DCTN1: variants seen among roughly 807,000 people sequenced by gnomAD.
DCTN1 encodes the protein dynactin subunit 1.
A neutral mutation model predicts 161.2 loss-of-function variants in DCTN1; 61 were observed. The observed-to-expected ratio is 0.38, with a 90% CI of 0.31 to 0.47. The LOEUF is 0.47. Among genes scored for constraint, DCTN1 ranks in the 20% least tolerant of loss-of-function variants. DCTN1 has a pLI of 0.99. For synonymous variants in DCTN1, 653 were observed against 632.4 expected (o/e 1.03, Z -0.49); for missense variants, 1,404 against 1,623.7 (o/e 0.86, Z 2.33).
In DCTN1 at chr2:74,370,914, T is replaced by C. The variant is rs1478370267; in HGVS notation, c.843+65A>G. ...TATGTTCCAGGCTCCAGCTCCAGTC[T>C]AGTTTCCAGCATGCTTCCTTAGGTC... On this transcript the variant is annotated intron_variant, in intron 9 of 31. Transcript: ENST00000628224. The surrounding 1 kb of genome is among the most constrained non-coding windows in gnomAD (Gnocchi z 4.4). 25 of 1,613,284 alleles carry C rather than the reference T, an allele frequency of 1.5e-5. No homozygotes were observed. The highest frequency in any genetic ancestry group is 3.3e-5 in the Admixed American group (2 of 59,986).
In DCTN1 at chr2:74,365,924, A is replaced by G. The variant is rs1573149994; in HGVS notation, c.2855T>C (p.Ile952Thr). 6.2e-7 allele frequency: 1 copy of G among 1,614,202 alleles called. No homozygotes were observed. The highest frequency in any genetic ancestry group is 1.6e-4 in the Middle Eastern group (1 of 6,062). ...CTTGAGTGACTTCTTCAACTCCTTA[A>G]TAACTGTCTCTCGATCTTCGAGCTT... ...GLKLEDRETV[I>T]KELKKSLKIK... is the part of the protein sequence containing the mutation. Residue 952 changes from isoleucine (I) to threonine (T), a missense_variant, in exon 24 of 32, where the codon ATT (isoleucine) becomes ACT (threonine). Coordinates refer to ENST00000628224, the MANE Select transcript of DCTN1 (RefSeq NM_004082.5).
chr2:74,363,257 C>T (rs1218223279), intron 28 of DCTN1, 37 bp downstream of exon 28: 1 of 1,613,928 alleles, frequency 6.2e-7, no homozygotes, highest in African/African-American at 1.3e-5. Context: ...CAAATATGCT[C>T]CATCTCCCAT....
At position 74,363,685 on chromosome 2, in the gene DCTN1, T is replaced by C. The variant is rs185991687; in HGVS notation, c.3197-57A>G. The C allele has an allele frequency of 2.3e-4, 363 of 1,609,436 alleles. 1 individual carries two copies. In the Middle Eastern group the frequency reaches 5.4e-3, roughly 24 times the overall value. ...AAAAGAGGAGAGAGGAGTTAGGTGA[T>C]TTGGGGGTTACGGGGACACACCAGA... On this transcript the variant is annotated intron_variant, in intron 26 of 31. Coordinates refer to ENST00000628224, the MANE Select transcript of DCTN1 (RefSeq NM_004082.5).
Position 74,369,012 on chromosome 2 carries a change from C to T in DCTN1, c.1701+86G>A. 1 of 1,560,818 alleles carries T rather than the reference C, an allele frequency of 6.4e-7. No homozygotes were observed. The highest frequency in any genetic ancestry group is 1.1e-5 in the South Asian group (1 of 89,946). Reference sequence around the variant, plus strand: ...GAGTCTTCCAAACCACCACACAAAGCACCCCTTCCCCCAGGAATCTGAAGC... The same window carrying T: ...GAGTCTTCCAAACCACCACACAAAGTACCCCTTCCCCCAGGAATCTGAAGC... On this transcript the variant is annotated intron_variant, in intron 15 of 31. Transcript: ENST00000628224. The surrounding 1 kb of genome is among the most constrained non-coding windows in gnomAD (Gnocchi z 4.9).
intron 6 of DCTN1, chr2:74,374,070 C>T: frequency 3.6e-6 from 2 of 548,444 alleles, no homozygotes; most frequent in Non-Finnish European, 6.9e-6. Flanking sequence ...CTGCCTGAAG[C>T]CCAAGCCTGT....
chr2:74,373,807 A>G (rs1030202822), intron 6 of DCTN1, among the ~76,000 whole-genome samples: 2 of 152,214 alleles, frequency 1.3e-5, no homozygotes, highest in African/African-American at 4.8e-5. Context: ...ACTGAGGCCA[A>G]TTCCCACCTC....
chr2:74,367,377 G>C lies in DCTN1; in HGVS notation c.2228C>G (p.Thr743Ser), dbSNP rs1674498282. 1.2e-6 allele frequency: 2 copies of C among 1,614,150 alleles called. No individual in the cohort carries two copies. The highest frequency in any genetic ancestry group is 8.5e-7 in the Non-Finnish European group (1 of 1,180,020). ...IHLAEQPEDCTMQLADHIKFT... is the reference protein window; with the variant it reads ...IHLAEQPEDCSMQLADHIKFT... ...CTTAATGTGGTCAGCCAGCTGCATA[G>C]TACAGTCCTCAGGCTGTTCGGCAAG... is the stretch of plus-strand genomic sequence containing the variant. The change falls in exon 19 of 32, where the codon ACT becomes AGT. Residue 743 changes from threonine (T) to serine (S), a missense_variant. Thr to Ser is a moderately conservative substitution (Grantham distance 58). Coordinates refer to ENST00000628224, the MANE Select transcript of DCTN1 (RefSeq NM_004082.5).
At chr2:74,375,292 C>T (rs931471638) in intron 5 of DCTN1, among the ~76,000 whole-genome samples, 9 of 152,242 alleles carry the variant, frequency 5.9e-5, no homozygotes, top group Non-Finnish European at 1.2e-4. Flanking sequence ...GCAGAGACAT[C>T]TGAGTTTTCT....
intron 27 of DCTN1, 60 bp from the exon 28 acceptor site, chr2:74,363,487 C>T: frequency 6.2e-7 from 1 of 1,603,990 alleles, no homozygotes; most frequent in South Asian, 1.1e-5. Context: ...AATTGGGCTC[C>T]ATTCCTACTC....
intron 1 of DCTN1, chr2:74,391,779 GTC>G: frequency 2.2e-6 from 1 of 453,640 alleles, no homozygotes; most frequent in East Asian, 7.0e-5. Context: ...GGTTGGCAGA[GTC>G]GCGCCTCCGT....
In DCTN1 at chr2:74,361,189, A is replaced by C. The variant is rs745876269; in HGVS notation, c.*310T>G. ...AGAAGTTGCTTTAATCAAGGGGTGAAGTCCTCAATCAAGGGGACCTCACTT... is the reference window on the plus strand; with the variant it reads ...AGAAGTTGCTTTAATCAAGGGGTGACGTCCTCAATCAAGGGGACCTCACTT... On this transcript the variant is annotated 3_prime_UTR_variant, in exon 32 of 32. Coordinates refer to ENST00000628224, the MANE Select transcript of DCTN1 (RefSeq NM_004082.5). The C allele has an allele frequency of 2.2e-5, 11 of 496,742 alleles. No homozygotes were observed. Among genetic ancestry groups the C allele is most frequent in the South Asian group, 1.9e-4 (11 of 59,186 alleles). The allele number at this position is 496,742 out of a possible 1,614,324, so 30.8% of individuals were successfully genotyped here.
intron 1 of DCTN1, chr2:74,391,431 GATTTTTCTCCCCGTTT>G (rs1375822249): frequency 2.7e-5 from 7 of 254,612 alleles, no homozygotes; most frequent in African/African-American, 1.2e-4. Flanking sequence ...AGTCCTTTAC[GATTTTTCTCCCCGTTT>G]GAGACGAATT....
Position 74,377,480 on chromosome 2 carries a change from AC to A in DCTN1, c.359-15del. ...TATCAGTTCCCTCTGTAGAAAGCAA[AC>A]AGAAACAAAGTGTGTACTTGTATAG... On this transcript the variant is annotated splice_polypyrimidine_tract_variant and intron_variant, in intron 3 of 31. Coordinates refer to ENST00000628224, the MANE Select transcript of DCTN1 (RefSeq NM_004082.5). 6.2e-7 allele frequency: 1 copy of A among 1,612,208 alleles called. No individual in the cohort carries two copies. The highest frequency in any genetic ancestry group is 8.5e-7 in the Non-Finnish European group (1 of 1,178,258).
At chr2:74,376,932 C>T (rs1357616528) in intron 4 of DCTN1, among the ~76,000 whole-genome samples, 170 bp from the exon 5 acceptor site, 1 of 152,184 alleles carries the variant, frequency 6.6e-6, no homozygotes. Context: ...CCCAGAGAAG[C>T]TGCAGAGTCT....
At chr2:74,363,813 TAAAG>T in intron 26 of DCTN1, 185 bp from the exon 27 acceptor site, 2 of 783,986 alleles carry the variant, frequency 2.6e-6, no homozygotes, top group Non-Finnish European at 4.4e-6. Context: ...AGATAAGTGT[TAAAG>T]AAAGACACCA....
In DCTN1 at chr2:74,369,403, G is replaced by A. The variant is rs761331951; in HGVS notation, c.1481C>T (p.Ala494Val). Reference sequence around the variant, plus strand: ...ACGCTTCTGGGCCTCACGAACCCGCGCGCCTGCCATGTCCAGCTGCTCCCG... The same window carrying A: ...ACGCTTCTGGGCCTCACGAACCCGCACGCCTGCCATGTCCAGCTGCTCCCG... ...ELREQLDMAGARVREAQKRVE... is the reference protein window; with the variant it reads ...ELREQLDMAGVRVREAQKRVE... The change falls in exon 14 of 32, where the codon GCG becomes GTG. Residue 494 changes from alanine (A) to valine (V), a missense_variant. Physicochemically the swap from Ala to Val is moderately conservative, Grantham distance 64 (BLOSUM62 0). Coordinates refer to ENST00000628224, the MANE Select transcript of DCTN1 (RefSeq NM_004082.5). This position sits in a 1 kb window ranked among gnomAD's most constrained non-coding sequence, Gnocchi z 4.9. 1.2e-5 allele frequency: 20 copies of A among 1,614,020 alleles called. No homozygotes were observed. The highest frequency in any genetic ancestry group is 6.6e-5 in the South Asian group (6 of 91,082).
Position 74,374,803 on chromosome 2 carries a change from G to C in DCTN1, c.415-463C>G, listed in dbSNP as rs116112260. On this transcript the variant is annotated intron_variant, in intron 5 of 31. Transcript: ENST00000628224. ...CTCCTCCTCATGACAGTCATGCGCA[G>C]AGCTTGTCCTGCTTCTTTCTCCAAA... The C allele has an allele frequency of 6.7e-4, 667 of 997,266 alleles. 2 individuals are homozygous for C. In the African/African-American group the frequency reaches 0.01, roughly 16 times the overall value. 61.8% of individuals were successfully genotyped at this position (997,266 alleles called of 1,614,324 possible).
At position 74,371,556 on chromosome 2, in the gene DCTN1, G is replaced by T. The variant is rs112725508; in HGVS notation, c.626C>A (p.Pro209Gln). 1 of 1,579,220 alleles carries T rather than the reference G, an allele frequency of 6.3e-7. No individual in the cohort carries two copies. The highest frequency in any genetic ancestry group is 8.6e-7 in the Non-Finnish European group (1 of 1,162,762). Residue 209 changes from proline to glutamine, a missense_variant, in exon 8 of 32, where the codon CCG (proline) becomes CAG (glutamine). By Grantham distance (76) the Pro-to-Gln change is moderately conservative. Coordinates refer to ENST00000628224, the MANE Select transcript of DCTN1 (RefSeq NM_004082.5). ...CCTTACCTTGGATGGGGAAGGAAGCGGGGGGACTGCTCCAGGAGAGGTGAG... is the reference window on the plus strand; with the variant it reads ...CCTTACCTTGGATGGGGAAGGAAGCTGGGGGACTGCTCCAGGAGAGGTGAG... ...PVLTSPGAVPPLPSPSKEEEG... is the reference protein window; with the variant it reads ...PVLTSPGAVPQLPSPSKEEEG...
Position 74,370,259 on chromosome 2 carries a change from A to C in DCTN1, c.1214T>G (p.Val405Gly), listed in dbSNP as rs773517852. The C allele has an allele frequency of 1.2e-6, 2 of 1,614,086 alleles. No homozygotes were observed. Among genetic ancestry groups the C allele is most frequent in the Non-Finnish European group, 8.5e-7 (1 of 1,180,030 alleles). ...MEKKNQELEVVRQQRERLQEE... is the reference protein window; with the variant it reads ...MEKKNQELEVGRQQRERLQEE... ...CTGCAGACGCTCCCGCTGTTGCCTC[A>C]CAACTTCCAGCTCTTGGTTCTTCTT... Residue 405 changes from valine to glycine, a missense_variant, in exon 12 of 32, where the codon GTG becomes GGG. Coordinates refer to ENST00000628224, the MANE Select transcript of DCTN1 (RefSeq NM_004082.5). The surrounding 1 kb of genome is among the most constrained non-coding windows in gnomAD (Gnocchi z 4.4).
Sources: allele counts gnomAD v4.1 joint callset (sites outside exome capture counted in the v4.1 genomes callset), GRCh38; gene constraint gnomAD v4.1.1; non-coding constraint Gnocchi (gnomAD v3.1); transcripts MANE v1.5; gene names NCBI Gene and HGNC (gene_info 2026-07-23, HGNC 2026-07-21).